RGS7: variants seen among roughly 807,000 people sequenced by gnomAD.
RGS7 encodes regulator of G-protein signaling 7.
Under a neutral mutation model 81.1 loss-of-function variants are expected in RGS7, and 27 were observed. That is an observed-to-expected ratio of 0.33 (90% CI 0.25 to 0.46). RGS7 has a LOEUF of 0.46. RGS7 is among the 20% of genes least tolerant of loss of function. The probability of loss-of-function intolerance (pLI) is 1.00; values close to 1 mark genes in which losing one functional copy is unlikely to be tolerated. For synonymous variants in RGS7, 208 were observed against 207.7 expected, an observed-to-expected ratio of 1.00 and a Z score of -0.01; for missense variants, 396 against 607.4, an observed-to-expected ratio of 0.65 and a Z score of 3.66.
chr1:241,224,096 T>A (rs188288403), intron 2 of RGS7, among the ~76,000 whole-genome samples: 1 of 151,724 alleles, frequency 6.6e-6, no homozygotes, highest in Non-Finnish European at 1.5e-5. Flanking sequence ...TATATTTCTT[T>A]AATTTATTTT....
At chr1:241,106,752 C>CCCCCA (rs1553421293) in intron 2 of RGS7, among the ~76,000 whole-genome samples, 2 of 121,684 alleles carry the variant, frequency 1.6e-5, no homozygotes, top group African/African-American at 3.3e-5. Flanking sequence ...AACACCACCA[C>CCCCCA]CACACACACA....
rs376146967 is a variant in RGS7 at position 240,934,111 on chromosome 1, G to A, written c.333+2489C>T. ...CCCAAGTAGCTGGGACTACAGGCAC[G>A]CACCATCACATCCAGCTAATTTTTG... On this transcript the variant is annotated intron_variant, in intron 5 of 18. Coordinates refer to ENST00000440928, the MANE Select transcript of RGS7 (RefSeq NM_001364886.1). 3.1e-4 allele frequency among the ~76,000 whole-genome samples: 47 copies of A among 152,134 alleles called. No individual in the cohort carries two copies. The East Asian group carries it at 4.3e-3, about 14-fold the overall frequency.
intron 2 of RGS7, among the ~76,000 whole-genome samples, chr1:241,153,225 TCATG>T (rs2068879863): frequency 6.6e-6 from 1 of 152,168 alleles, no homozygotes; most frequent in African/African-American, 2.4e-5. Flanking sequence ...GGTGGGAGCA[TCATG>T]GAGAGTCACA....
chr1:240,807,115 A>C (rs1311851668), intron 14 of RGS7, among the ~76,000 whole-genome samples: 1 of 152,222 alleles, frequency 6.6e-6, no homozygotes, highest in Non-Finnish European at 1.5e-5. Flanking sequence ...TACCATATGT[A>C]TACTGAAAGA....
intron 4 of RGS7, among the ~76,000 whole-genome samples, chr1:240,948,891 T>C (rs542415968): frequency 1.1e-4 from 17 of 151,382 alleles, no homozygotes; most frequent in African/African-American, 4.1e-4. Context: ...GGTATAAATG[T>C]GTTGGTATCC....
chr1:241,327,032 A>AGGGAGAGAGGGAGGGAGGGAGGG (rs1558320484), intron 2 of RGS7, among the ~76,000 whole-genome samples: 1 of 2,658 alleles, frequency 3.8e-4, no homozygotes. Flanking sequence ...GGAAGGAAGG[A>AGGGAGAGAGGGAGGGAGGGAGGG]AGGAAGGGAG....
intron 3 of RGS7, among the ~76,000 whole-genome samples, chr1:241,008,334 G>A (rs1428749940): frequency 2.0e-5 from 3 of 152,154 alleles, no homozygotes; most frequent in Admixed American, 1.3e-4. Context: ...ACATTACCTA[G>A]ACATGAACTT....
intron 4 of RGS7, among the ~76,000 whole-genome samples, chr1:240,972,605 A>G (rs7418069): frequency 0.39 from 51,231 of 130,364 alleles, 10,397 homozygotes; most frequent in East Asian, 0.64. Flanking sequence ...TAGATGACGC[A>G]TTAGTGGGTG....
At position 240,952,289 on chromosome 1, in the gene RGS7, T is replaced by C. The variant is rs764250596; in HGVS notation, c.227-15583A>G. 2.6e-5 allele frequency among the ~76,000 whole-genome samples: 4 copies of C among 152,078 alleles called. No homozygotes were observed. The East Asian group carries it at 7.7e-4, about 29-fold the overall frequency. On this transcript the variant is annotated intron_variant, in intron 4 of 18. Coordinates refer to ENST00000440928, the MANE Select transcript of RGS7 (RefSeq NM_001364886.1). ...AAATATAACTATTTGTTTAAAATAATAGTAACAGTATTAGGTGATTATAAA... is the reference window on the plus strand; with the variant it reads ...AAATATAACTATTTGTTTAAAATAACAGTAACAGTATTAGGTGATTATAAA...
intron 2 of RGS7, among the ~76,000 whole-genome samples, chr1:241,209,642 C>A (rs1461682032): frequency 1.3e-5 from 2 of 151,990 alleles, no homozygotes; most frequent in Admixed American, 1.3e-4. Context: ...TTGAGACCAG[C>A]CTGGGCAACA....
chr1:241,284,407 G>T (rs1452492025), intron 2 of RGS7, among the ~76,000 whole-genome samples: 1 of 151,510 alleles, frequency 6.6e-6, no homozygotes, highest in African/African-American at 2.4e-5. Flanking sequence ...GGCAGGGGGG[G>T]TTGTTCTGGT....
chr1:240,921,990 A>C (rs1292752631), intron 6 of RGS7, among the ~76,000 whole-genome samples: 1 of 152,068 alleles, frequency 6.6e-6, no homozygotes, highest in African/African-American at 2.4e-5. Flanking sequence ...ACCAAACTTC[A>C]AAACTTACTA....
At chr1:240,869,999 G>T in intron 7 of RGS7, 56 bp downstream of exon 7, 1 of 1,357,596 alleles carries the variant, frequency 7.4e-7, no homozygotes, top group Non-Finnish European at 1.1e-6. Context: ...AAAGGCTGTG[G>T]GCCTTACTGC....
chr1:240,870,146 C>T, intron 6 of RGS7, 27 bp from the exon 7 acceptor site: 1 of 1,605,016 alleles, frequency 6.2e-7, no homozygotes, highest in Middle Eastern at 1.7e-4. Context: ...TCATTTCTTG[C>T]CTGCTTATCA....
intron 3 of RGS7, chr1:240,998,651 T>G (rs986947139): frequency 1.8e-6 from 2 of 1,119,828 alleles, no homozygotes; most frequent in Non-Finnish European, 2.7e-6. Context: ...GCCAGGCCTT[T>G]GCAAACAAGC....
intron 3 of RGS7, among the ~76,000 whole-genome samples, chr1:240,988,259 A>C (rs1014886965): frequency 6.6e-6 from 1 of 150,734 alleles, no homozygotes; most frequent in Admixed American, 6.7e-5. Context: ...ACCACAGTGT[A>C]TCTCTCATTA....
chr1:241,221,083 G>A (rs2074966671), intron 2 of RGS7, among the ~76,000 whole-genome samples: 1 of 131,690 alleles, frequency 7.6e-6, no homozygotes, highest in African/African-American at 2.9e-5. Flanking sequence ...AAGGAAGGAA[G>A]GAAGGAAGAA....
At chr1:240,974,458 T>C (rs1458321961) in intron 4 of RGS7, among the ~76,000 whole-genome samples, 1 of 152,170 alleles carries the variant, frequency 6.6e-6, no homozygotes, top group Non-Finnish European at 1.5e-5. Context: ...TGAATTCCCA[T>C]CAGTCAAAAA....
chr1:241,014,972 G>A (rs10802921), intron 3 of RGS7, among the ~76,000 whole-genome samples: 24,646 of 152,164 alleles, frequency 0.16, 2,110 homozygotes, highest in South Asian at 0.22. Context: ...GTTCAGCCTA[G>A]ATACAGGGAA....
Sources: allele counts gnomAD v4.1 joint callset (sites outside exome capture counted in the v4.1 genomes callset), GRCh38; gene constraint gnomAD v4.1.1; transcripts MANE v1.5; gene names NCBI Gene and HGNC (gene_info 2026-07-23, HGNC 2026-07-21).